The following HMCN1 variants were observed in gnomAD, a reference collection of about 807,000 sequenced individuals.
HMCN1 encodes the protein hemicentin 1.
HMCN1 carries 321 observed loss-of-function variants against 625.9 expected under a neutral mutation model. That is an observed-to-expected ratio of 0.51 (90% confidence interval 0.47 to 0.56). The LOEUF (loss-of-function observed/expected upper bound fraction) is 0.56, where lower values mean the gene tolerates loss of function less well. HMCN1 is among the 20% of genes least tolerant of loss of function. HMCN1 has a pLI of 0.00. For missense variants in HMCN1, 6,588 were observed against 6,887.3 expected (o/e 0.96, Z 1.54); for synonymous variants, 2,425 against 2,417.6 (o/e 1.00, Z -0.09).
chr1:186,071,719 A>G (rs1019706667), intron 52 of HMCN1, among the ~76,000 whole-genome samples: 13 of 152,208 alleles, frequency 8.5e-5, no homozygotes, highest in African/African-American at 3.1e-4. Flanking sequence ...AAAATAAGCA[A>G]GTTTCATCTG....
At chr1:185,800,376 G>A (rs1291647955) in intron 1 of HMCN1, among the ~76,000 whole-genome samples, 1 of 152,030 alleles carries the variant, frequency 6.6e-6, no homozygotes, top group Non-Finnish European at 1.5e-5. Context: ...GTGAGTGCTA[G>A]CCACACCTAG....
intron 1 of HMCN1, among the ~76,000 whole-genome samples, chr1:185,801,256 G>A (rs1658773106): frequency 6.6e-6 from 1 of 152,198 alleles, no homozygotes; most frequent in African/African-American, 2.4e-5. Flanking sequence ...AAAGAAGTCG[G>A]TGGGCTAAGA....
chr1:185,749,018 T>G (rs934539215), intron 1 of HMCN1, among the ~76,000 whole-genome samples: 10 of 152,108 alleles, frequency 6.6e-5, no homozygotes, highest in African/African-American at 2.4e-4. Context: ...GCTCTGGAGC[T>G]TGGGGTAGGA....
At position 185,932,677 on chromosome 1, in the gene HMCN1, C is replaced by T. The variant is rs147720473; in HGVS notation, c.1553-872C>T. Among the ~76,000 whole-genome samples, 6 of 151,772 alleles carry T rather than the reference C, an allele frequency of 4.0e-5. No homozygotes were observed. The South Asian group carries it at 6.2e-4, about 16-fold the overall frequency. On this transcript the variant is annotated intron_variant, in intron 10 of 106. Transcript: ENST00000271588. ...AAGTGGGAGTTGAACGATGAGAACA[C>T]GTGGACATAGGGAGGGGAACATCAC...
intron 1 of HMCN1, among the ~76,000 whole-genome samples, chr1:185,774,323 A>G (rs1054763870): frequency 6.6e-6 from 1 of 152,046 alleles, no homozygotes; most frequent in Non-Finnish European, 1.5e-5. Context: ...TTACTTAAGA[A>G]GGGTATAACT....
intron 1 of HMCN1, among the ~76,000 whole-genome samples, chr1:185,739,658 C>T (rs759670819): frequency 6.6e-6 from 1 of 152,156 alleles, no homozygotes; most frequent in Non-Finnish European, 1.5e-5. Context: ...ATGTTTCAGA[C>T]CTTGCTTCAC....
At chr1:186,094,450 T>A in intron 67 of HMCN1, 77 bp downstream of exon 67, 1 of 999,570 alleles carries the variant, frequency 1.0e-6, no homozygotes, top group Admixed American at 1.8e-5. Context: ...GAAACCGACT[T>A]CCTCAGAGAT....
At chr1:185,953,407 G>A (rs1034362490) in intron 11 of HMCN1, among the ~76,000 whole-genome samples, 5 of 151,880 alleles carry the variant, frequency 3.3e-5, no homozygotes, top group Non-Finnish European at 5.9e-5. Flanking sequence ...AAACACCAGG[G>A]GAAGTCTGCC....
At chr1:186,072,620 T>C (rs562194317) in intron 52 of HMCN1, among the ~76,000 whole-genome samples, 1 of 152,158 alleles carries the variant, frequency 6.6e-6, no homozygotes, top group Non-Finnish European at 1.5e-5. Context: ...GTGTGATTTC[T>C]TACTTAGGGA....
Position 186,120,129 on chromosome 1 carries a change from C to A in HMCN1, c.12213C>A (p.Ile4071=), listed in dbSNP as rs1661333165. The A allele has an allele frequency of 3.1e-6, 5 of 1,613,864 alleles. No homozygotes were observed. The East Asian group carries it at 1.1e-4, about 36-fold the overall frequency. ...QNPAGTALGK[I]KLNVQVPPVI... ...CGGCTGGTACAGCCTTGGGCAAAAT[C>A]AAGTTAAATGTCCAAGGTACCTAAA... is the stretch of plus-strand genomic sequence containing the variant. The change falls in exon 80 of 107, where the codon ATC becomes ATA. Residue 4071 remains isoleucine, a synonymous_variant. Coordinates refer to ENST00000271588, the MANE Select transcript of HMCN1 (RefSeq NM_031935.3).
chr1:186,034,176 C>A (rs1044815271), intron 36 of HMCN1, among the ~76,000 whole-genome samples: 1 of 152,068 alleles, frequency 6.6e-6, no homozygotes, highest in Non-Finnish European at 1.5e-5. Context: ...CCTCACATGC[C>A]CTGCCCGTTG....
At chr1:185,832,623 A>G (rs1483150145) in intron 1 of HMCN1, among the ~76,000 whole-genome samples, 1 of 152,202 alleles carries the variant, frequency 6.6e-6, no homozygotes, top group Non-Finnish European at 1.5e-5. Flanking sequence ...TAAATTCCAA[A>G]TGCATCATAA....
chr1:185,784,439 G>A lies in HMCN1; in HGVS notation c.268+49392G>A, dbSNP rs372180772. ...AATGCAGAAATCACCCGTCTTCTGC[G>A]TCGCTCATGCTGGGAGCTGTCGACT... On this transcript the variant is annotated intron_variant, in intron 1 of 106. Transcript: ENST00000271588. 1.1e-4 allele frequency among the ~76,000 whole-genome samples: 17 copies of A among 152,158 alleles called. No homozygotes were observed. In the East Asian group the frequency reaches 1.7e-3, roughly 16 times the overall value.
intron 52 of HMCN1, 64 bp downstream of exon 52, chr1:186,070,821 AAAT>A (rs1479624403): frequency 6.8e-7 from 1 of 1,462,300 alleles, no homozygotes; most frequent in African/African-American, 1.4e-5. Flanking sequence ...AATTGAAAAG[AAAT>A]AATAAAATAG....
intron 25 of HMCN1, among the ~76,000 whole-genome samples, chr1:185,999,476 A>T (rs553199419): frequency 3.4e-5 from 5 of 148,200 alleles, no homozygotes; most frequent in Non-Finnish European, 7.4e-5. Flanking sequence ...CTCAACTACC[A>T]TTTCAAGAAT....
intron 59 of HMCN1, 36 bp from the exon 60 acceptor site, chr1:186,087,407 G>A: frequency 6.2e-7 from 1 of 1,608,490 alleles, no homozygotes; most frequent in Non-Finnish European, 8.5e-7. Context: ...GCACCTTAAT[G>A]AAAAAGAAAA....
chr1:185,885,346 A>G (rs182422497), intron 4 of HMCN1, among the ~76,000 whole-genome samples: 72 of 152,090 alleles, frequency 4.7e-4, no homozygotes, highest in African/African-American at 1.7e-3. Context: ...GACCATGATT[A>G]TATGGTTTTT....
rs991893579 is a variant in HMCN1, at chr1:186,114,191, G to C, written c.11276+68G>C. On this transcript the variant is annotated intron_variant, in intron 73 of 106. Transcript: ENST00000271588. ...TACAAATTCTTAATTTTTTTTCCTA[G>C]TGCACTATTTTGGTCTCATTATGTT... The C allele has an allele frequency of 7.8e-6, 12 of 1,545,970 alleles. No homozygotes were observed. The African/African-American group carries it at 1.5e-4, about 19-fold the overall frequency.
At chr1:186,187,787 G>T in intron 105 of HMCN1, 96 bp from the exon 106 acceptor site, 1 of 1,508,164 alleles carries the variant, frequency 6.6e-7, no homozygotes, top group African/African-American at 1.4e-5. Flanking sequence ...GAGAAGGCTA[G>T]CCCTCCACAT....
Sources: gnomAD v4.1 joint callset for allele counts (sites outside exome capture counted in the v4.1 genomes callset) on GRCh38, gnomAD v4.1.1 for gene constraint, MANE v1.5 for transcripts, NCBI Gene and HGNC (gene_info 2026-07-23, HGNC 2026-07-21) for gene names.